Variants in CHRM3 observed in about 807,000 individuals in gnomAD.
CHRM3 encodes the protein muscarinic acetylcholine receptor M3.
Under a neutral mutation model 41.8 loss-of-function variants are expected in CHRM3, and 11 were observed. That is an observed-to-expected ratio of 0.26 (90% CI 0.17 to 0.44). CHRM3 has a LOEUF of 0.44. Ranked by LOEUF, CHRM3 falls within the 20% of genes least tolerant of loss-of-function variation. CHRM3 has a pLI of 1.00. For missense variants in CHRM3, 571 were observed against 745.4 expected, an observed-to-expected ratio of 0.77 and a Z score of 2.72; for synonymous variants, 297 against 301.4, an observed-to-expected ratio of 0.99 and a Z score of 0.15.
At chr1:239,778,557 A>C (rs1423414878) in intron 5 of CHRM3, among the ~76,000 whole-genome samples, 1 of 152,178 alleles carries the variant, frequency 6.6e-6, no homozygotes, top group Non-Finnish European at 1.5e-5. Flanking sequence ...CAAATTTAAC[A>C]GTCCCTCCTG....
chr1:239,467,513 G>A, intron 1 of CHRM3, among the ~76,000 whole-genome samples: 1 of 152,130 alleles, frequency 6.6e-6, no homozygotes, highest in Non-Finnish European at 1.5e-5. Context: ...TGTTGGTCAG[G>A]CTGGTCTCGA....
chr1:239,547,128 AAT>A (rs1322281616), intron 3 of CHRM3, among the ~76,000 whole-genome samples: 1 of 152,190 alleles, frequency 6.6e-6, no homozygotes, highest in East Asian at 1.9e-4. Context: ...CTGTTACATG[AAT>A]AAAATTTTTG....
rs200175069 is a variant in CHRM3 at position 239,641,016 on chromosome 1, G to A, written c.-250+8730G>A. Among the ~76,000 whole-genome samples, 75 of 152,000 alleles carry A rather than the reference G, an allele frequency of 4.9e-4. No homozygotes were observed. In the East Asian group the frequency reaches 7.0e-3, roughly 14 times the overall value. ...ACATCTTTATTTCTGCCTTCATTTC[G>A]TTATGTACCCAGTAGTCATTCAGGA... is the stretch of plus-strand genomic sequence containing the variant. On this transcript the variant is annotated intron_variant, in intron 4 of 6. Transcript: ENST00000676153.
intron 4 of CHRM3, 103 bp from the exon 5 acceptor site, chr1:239,678,083 A>G (rs890455882): frequency 2.0e-5 from 3 of 152,248 alleles, no homozygotes; most frequent in African/African-American, 7.2e-5. Flanking sequence ...TTTGAAATCT[A>G]TCATGTAATT....
Position 239,752,194 on chromosome 1 carries a change from C to G in CHRM3, c.-147+73906C>G, listed in dbSNP as rs137919067. 2.4e-4 allele frequency among the ~76,000 whole-genome samples: 37 copies of G among 152,260 alleles called. No homozygotes were observed. The East Asian group carries it at 7.0e-3, about 29-fold the overall frequency. ...CAAATGTGGGGGATTTGTGGTCAGA[C>G]ATGGAAGCAGCGCCCATCAGGTCCA... On this transcript the variant is annotated intron_variant, in intron 5 of 6. Coordinates refer to ENST00000676153, the MANE Select transcript of CHRM3 (RefSeq NM_001375978.1).
At chr1:239,722,740 A>G (rs1228606729) in intron 5 of CHRM3, among the ~76,000 whole-genome samples, 1 of 151,946 alleles carries the variant, frequency 6.6e-6, no homozygotes, top group Non-Finnish European at 1.5e-5. Flanking sequence ...GAATTCAGAA[A>G]CTGAATTGTT....
At position 239,908,006 on chromosome 1, in the gene CHRM3, C is replaced by T. The variant is rs372369928; in HGVS notation, c.555C>T (p.Ala185=). Residue 185 remains alanine (A), a synonymous_variant, in exon 7 of 7, where the codon GCC becomes GCT. Transcript: ENST00000676153. This position sits in a 1 kb window ranked among gnomAD's most constrained non-coding sequence, Gnocchi z 7.2. Reference sequence around the variant, plus strand: ...GAGCCAAACGAACAACAAAGAGAGCCGGTGTGATGATCGGTCTGGCTTGGG... The same window carrying T: ...GAGCCAAACGAACAACAAAGAGAGCTGGTGTGATGATCGGTCTGGCTTGGG... ...TYRAKRTTKR[A]GVMIGLAWVI... The T allele has an allele frequency of 1.9e-5, 30 of 1,614,112 alleles. No individual in the cohort carries two copies. Among genetic ancestry groups the T allele is most frequent in the Middle Eastern group, 1.6e-4 (1 of 6,062 alleles).
intron 6 of CHRM3, among the ~76,000 whole-genome samples, chr1:239,861,644 G>GT (rs1675651011): frequency 6.6e-6 from 1 of 152,120 alleles, no homozygotes. Context: ...TGTGTGATGT[G>GT]TTTAAGATCA....
At chr1:239,804,350 T>TAA (rs111355268) in intron 5 of CHRM3, among the ~76,000 whole-genome samples, 2 of 151,692 alleles carry the variant, frequency 1.3e-5, no homozygotes, top group African/African-American at 4.8e-5. Flanking sequence ...GTGTTTTTTT[T>TAA]TTATTATTAT....
chr1:239,494,469 C>T (rs750901521), intron 2 of CHRM3, among the ~76,000 whole-genome samples: 9 of 152,154 alleles, frequency 5.9e-5, no homozygotes, highest in Non-Finnish European at 1.2e-4. Context: ...CATAAAAAAA[C>T]ACCTAAACCT....
intron 5 of CHRM3, among the ~76,000 whole-genome samples, chr1:239,779,468 T>C (rs1029497066): frequency 6.6e-6 from 1 of 152,274 alleles, no homozygotes; most frequent in African/African-American, 2.4e-5. Context: ...GTGTGTTGGC[T>C]CATGCCTTTA....
intron 5 of CHRM3, among the ~76,000 whole-genome samples, chr1:239,791,619 T>A (rs1454055248): frequency 6.6e-6 from 1 of 152,168 alleles, no homozygotes; most frequent in Admixed American, 6.5e-5. Flanking sequence ...ATCCTAAGAC[T>A]GGCTTTGCCT....
intron 6 of CHRM3, among the ~76,000 whole-genome samples, chr1:239,875,918 C>T (rs1273611200): frequency 3.3e-5 from 5 of 152,170 alleles, no homozygotes; most frequent in Admixed American, 3.3e-4. Context: ...ATTGCCACTC[C>T]AGCTTCCCCC....
At chr1:239,393,348 C>T (rs935727114) in intron 1 of CHRM3, among the ~76,000 whole-genome samples, 4 of 152,112 alleles carry the variant, frequency 2.6e-5, no homozygotes, top group African/African-American at 9.7e-5. Flanking sequence ...GCAAAATAGT[C>T]TAAAAGCACA....
At chr1:239,734,544 T>G (rs556797115) in intron 5 of CHRM3, among the ~76,000 whole-genome samples, 5 of 152,104 alleles carry the variant, frequency 3.3e-5, no homozygotes, top group Non-Finnish European at 5.9e-5. Flanking sequence ...TTTTCTGCTT[T>G]TCCTTTGCAA....
At chr1:239,495,588 T>C (rs573931329) in intron 2 of CHRM3, among the ~76,000 whole-genome samples, 64 of 152,130 alleles carry the variant, frequency 4.2e-4, no homozygotes, top group Non-Finnish European at 7.5e-4. Flanking sequence ...CACAGGTAGT[T>C]CACATTTGAG....
rs540263058 is a variant in CHRM3, at chr1:239,720,092, G to A, written c.-147+41804G>A. On this transcript the variant is annotated intron_variant, in intron 5 of 6. Coordinates refer to ENST00000676153, the MANE Select transcript of CHRM3 (RefSeq NM_001375978.1). ...CCTATGATAGCAGTAAGTTTACAGA[G>A]CAGAGCTAAGACTTGCAAACCGTGT... The A allele has an allele frequency of 3.3e-5, 5 of 152,016 alleles. No homozygotes were observed. The East Asian group carries it at 9.8e-4, about 30-fold the overall frequency. 9.4% of individuals were successfully genotyped at this position (152,016 alleles called of 1,614,324 possible). A position where few individuals can be genotyped will look rare whatever the true frequency, so the allele number is the denominator to read the frequency against.
intron 6 of CHRM3, among the ~76,000 whole-genome samples, chr1:239,888,260 G>A (rs1295137774): frequency 2.0e-5 from 3 of 151,034 alleles, no homozygotes; most frequent in African/African-American, 7.3e-5. Context: ...CCAGCTACCC[G>A]GGAGGCTGAG....
At position 239,421,846 on chromosome 1, in the gene CHRM3, AT is replaced by A. The variant is rs201854582; in HGVS notation, c.-521+34630del. Among the ~76,000 whole-genome samples the A allele has an allele frequency of 1.1e-3, 159 of 148,050 alleles. No individual in the cohort carries two copies. The Middle Eastern group carries it at 0.014, about 13-fold the overall frequency. ...CCAAACCACACCATACTGATGCCAG[AT>A]TTTTTTTTTTACTAGGCTAAATAAT... On this transcript the variant is annotated intron_variant, in intron 1 of 6. Transcript: ENST00000676153.
Sources: gnomAD v4.1 joint callset for allele counts (sites outside exome capture counted in the v4.1 genomes callset) on GRCh38, gnomAD v4.1.1 for gene constraint, Gnocchi (gnomAD v3.1) non-coding constraint, MANE v1.5 for transcripts, NCBI Gene and HGNC (gene_info 2026-07-23, HGNC 2026-07-21) for gene names.